BMPR1B: variants seen among roughly 807,000 people sequenced by gnomAD.
BMPR1B encodes bone morphogenetic protein receptor type 1B.
A neutral mutation model predicts 59.1 loss-of-function variants in BMPR1B; 12 were observed. The observed-to-expected ratio is 0.20, with a 90% CI of 0.13 to 0.33. BMPR1B has a LOEUF of 0.33. Among genes scored for constraint, BMPR1B ranks in the 10% least tolerant of loss-of-function variants. The probability of loss-of-function intolerance (pLI) is 1.00; values close to 1 mark genes in which losing one functional copy is unlikely to be tolerated. For missense variants in BMPR1B, 550 were observed against 610.9 expected (o/e 0.90, Z 1.05); for synonymous variants, 237 against 207.3 (o/e 1.14, Z -1.23).
intron 2 of BMPR1B, among the ~76,000 whole-genome samples, chr4:94,903,527 T>TTA (rs748562305): frequency 0.028 from 4,158 of 151,090 alleles, 75 homozygotes; most frequent in South Asian, 0.047. Context: ...TTTTTTTTTT[T>TTA]AAAAAGACAA....
intron 2 of BMPR1B, among the ~76,000 whole-genome samples, chr4:94,877,895 A>G (rs1234244756): frequency 6.6e-6 from 1 of 152,224 alleles, no homozygotes; most frequent in African/African-American, 2.4e-5. Flanking sequence ...AGCAAAAGGT[A>G]AATTACACCA....
chr4:94,765,043 G>A (rs1007698626), intron 1 of BMPR1B, among the ~76,000 whole-genome samples: 6 of 152,118 alleles, frequency 3.9e-5, no homozygotes, highest in African/African-American at 1.4e-4. Flanking sequence ...CAACTGAAAG[G>A]CAGGGCATGT....
chr4:94,826,383 G>A (rs1724383390), intron 1 of BMPR1B, among the ~76,000 whole-genome samples: 1 of 125,364 alleles, frequency 8.0e-6, no homozygotes, highest in African/African-American at 3.2e-5. Flanking sequence ...ATGTTTTAAA[G>A]CTCACTCGGG....
intron 2 of BMPR1B, among the ~76,000 whole-genome samples, chr4:94,946,308 T>A (rs1729707742): frequency 6.6e-6 from 1 of 152,190 alleles, no homozygotes; most frequent in African/African-American, 2.4e-5. Context: ...CTTTCTTAAT[T>A]TCTCATTAAA....
chr4:94,946,761 G>T (rs59564997), intron 2 of BMPR1B, among the ~76,000 whole-genome samples: 6 of 151,934 alleles, frequency 3.9e-5, no homozygotes, highest in African/African-American at 1.5e-4. Context: ...ATTCAAAAGG[G>T]CAAATTTGGT....
At chr4:95,027,133 A>T (rs1422232584) in intron 3 of BMPR1B, among the ~76,000 whole-genome samples, 1 of 152,098 alleles carries the variant, frequency 6.6e-6, no homozygotes. Flanking sequence ...TCTAAGGCCC[A>T]CTTAAAAATA....
At position 95,155,322 on chromosome 4, in the gene BMPR1B, C is replaced by G. The variant is rs1234542421; in HGVS notation, c.*649C>G. The G allele has an allele frequency of 1.3e-5, 2 of 152,224 alleles. No homozygotes were observed. The highest frequency in any genetic ancestry group is 2.9e-5 in the Non-Finnish European group (2 of 68,204). 9.4% of individuals were successfully genotyped at this position (152,224 alleles called of 1,614,324 possible). A position where few individuals can be genotyped will look rare whatever the true frequency, so the allele number is the denominator to read the frequency against. Reference sequence around the variant, plus strand: ...CACATTTGGAATTCCTGCAGGTGGCCTTTTGCAGCTTCAGGCAATATGGAA... The same window carrying G: ...CACATTTGGAATTCCTGCAGGTGGCGTTTTGCAGCTTCAGGCAATATGGAA... On this transcript the variant is annotated 3_prime_UTR_variant, in exon 13 of 13. Coordinates refer to ENST00000515059, the MANE Select transcript of BMPR1B (RefSeq NM_001203.3).
intron 2 of BMPR1B, among the ~76,000 whole-genome samples, chr4:94,961,084 G>T: frequency 6.6e-6 from 1 of 151,616 alleles, no homozygotes; most frequent in East Asian, 1.9e-4. Flanking sequence ...ATTTTGTTTA[G>T]AATGAGAGCG....
chr4:94,895,047 C>T (rs917342739), intron 2 of BMPR1B, among the ~76,000 whole-genome samples: 1 of 145,586 alleles, frequency 6.9e-6, no homozygotes, highest in African/African-American at 2.5e-5. Context: ...ATATTAATGT[C>T]TCTTAAGTTC....
chr4:95,079,891 A>T (rs899882719), intron 3 of BMPR1B, among the ~76,000 whole-genome samples: 6 of 152,130 alleles, frequency 3.9e-5, no homozygotes, highest in African/African-American at 1.4e-4. Context: ...TTTTTAAATT[A>T]CTTTTCTGAG....
intron 3 of BMPR1B, among the ~76,000 whole-genome samples, chr4:95,046,774 T>G (rs1476632157): frequency 6.6e-6 from 1 of 152,186 alleles, no homozygotes; most frequent in Non-Finnish European, 1.5e-5. Context: ...CTTTGAAGAC[T>G]CCTTTGGTAT....
At chr4:94,849,407 C>T (rs1009441043) in intron 1 of BMPR1B, among the ~76,000 whole-genome samples, 5 of 151,840 alleles carry the variant, frequency 3.3e-5, no homozygotes, top group Admixed American at 6.6e-5. Context: ...GAGGTCAAGG[C>T]GGGGAAACGA....
At chr4:94,939,911 G>A (rs528442417) in intron 2 of BMPR1B, among the ~76,000 whole-genome samples, 1 of 152,124 alleles carries the variant, frequency 6.6e-6, no homozygotes, top group Non-Finnish European at 1.5e-5. Flanking sequence ...AACTCCACCA[G>A]TTATTTTAGT....
At chr4:95,014,763 G>A (rs6832300) in intron 3 of BMPR1B, among the ~76,000 whole-genome samples, 63,648 of 151,966 alleles carry the variant, frequency 0.42, 14,049 homozygotes, top group East Asian at 0.71. Flanking sequence ...TACTATGAGG[G>A]TTAATTTACT....
At chr4:94,941,020 G>A (rs1305005129) in intron 2 of BMPR1B, among the ~76,000 whole-genome samples, 1 of 152,060 alleles carries the variant, frequency 6.6e-6, no homozygotes, top group African/African-American at 2.4e-5. Flanking sequence ...AATGAGGAAG[G>A]AATATTTTAT....
intron 1 of BMPR1B, among the ~76,000 whole-genome samples, chr4:94,770,237 A>G (rs1722136692): frequency 8.4e-6 from 1 of 119,050 alleles, no homozygotes; most frequent in Non-Finnish European, 1.7e-5. Context: ...TTTATTCAGC[A>G]GCAGATATTT....
intron 1 of BMPR1B, among the ~76,000 whole-genome samples, chr4:94,809,744 A>T (rs565553365): frequency 3.5e-4 from 54 of 152,354 alleles, no homozygotes; most frequent in South Asian, 2.1e-3. Flanking sequence ...TGAAGGATTC[A>T]GCATACCAGT....
intron 2 of BMPR1B, among the ~76,000 whole-genome samples, chr4:94,922,020 C>A (rs1728708166): frequency 6.6e-6 from 1 of 152,070 alleles, no homozygotes; most frequent in Non-Finnish European, 1.5e-5. Flanking sequence ...TGCTCTGTCA[C>A]CCAGGCTGGA....
intron 3 of BMPR1B, among the ~76,000 whole-genome samples, chr4:95,034,692 G>A (rs922570541): frequency 2.0e-5 from 3 of 151,762 alleles, no homozygotes; most frequent in Admixed American, 6.6e-5. Flanking sequence ...GGGCATTTGG[G>A]CTGGTTTTAT....
Sources: gnomAD v4.1 joint callset for allele counts (sites outside exome capture counted in the v4.1 genomes callset) on GRCh38, gnomAD v4.1.1 for gene constraint, MANE v1.5 for transcripts, NCBI Gene and HGNC (gene_info 2026-07-23, HGNC 2026-07-21) for gene names.